Variants in XKR9 observed in about 807,000 individuals in gnomAD.
XKR9 encodes XK-related protein 9.
A neutral mutation model predicts 32.0 loss-of-function variants in XKR9; 32 were observed. That is an observed-to-expected ratio of 1.00 (90% CI 0.76 to 1.34). The LOEUF (loss-of-function observed/expected upper bound fraction) is 1.34. Ranked by LOEUF, XKR9 falls within the 40% of genes most tolerant of loss-of-function variation. XKR9 has a pLI of 0.00. For synonymous variants in XKR9, 168 were observed against 143.4 expected, an observed-to-expected ratio of 1.17 and a Z score of -1.22; for missense variants, 546 against 429.7, an observed-to-expected ratio of 1.27 and a Z score of -2.39.
chr8:70,924,590 T>G, the XKR9 span, among the ~76,000 whole-genome samples: 7 of 152,322 alleles, frequency 4.6e-5, no homozygotes, highest in East Asian at 1.2e-3. Context: ...CCTCTCTGTC[T>G]GGATTCTGCT....
At chr8:70,903,374 A>T in the XKR9 span, among the ~76,000 whole-genome samples, 31 of 152,226 alleles carry the variant, frequency 2.0e-4, 1 homozygote, top group South Asian at 5.0e-3. Context: ...GGGAGGGTGC[A>T]TGTGTCCAGG....
chr8:70,771,422 A>C (rs1807451957), intron 2 of XKR9, among the ~76,000 whole-genome samples: 2 of 152,162 alleles, frequency 1.3e-5, no homozygotes, highest in Admixed American at 1.3e-4. Flanking sequence ...TATTGACTTG[A>C]AATTTTTATT....
rs559623524 is a variant in XKR9 at position 70,701,807 on chromosome 8, C to T, written c.273-5126C>T. Among the ~76,000 whole-genome samples, 4 of 151,978 alleles carry T rather than the reference C, an allele frequency of 2.6e-5. No homozygotes were observed. The South Asian group carries it at 6.2e-4, about 24-fold the overall frequency. On this transcript the variant is annotated intron_variant, in intron 3 of 4. Coordinates refer to ENST00000408926, the MANE Select transcript of XKR9 (RefSeq NM_001011720.2). ...TGCTACTATGTATGCCATTACTGTT[C>T]AGGGGTCTGTGGAGTAGGATGTTTC...
chr8:70,828,434 T>C, the XKR9 span, among the ~76,000 whole-genome samples: 1 of 152,032 alleles, frequency 6.6e-6, no homozygotes, highest in East Asian at 1.9e-4. Flanking sequence ...CAGTGTAATG[T>C]ATAAGAAAGA....
In XKR9 at chr8:70,790,348, A is replaced by G. The variant is rs573917012; in HGVS notation, n.743A>G. ...AAAGTATTGAATATATAAAAGTATTAGAAGTTAGTTTCTTTTTCATATTTT... is the reference window on the plus strand; with the variant it reads ...AAAGTATTGAATATATAAAAGTATTGGAAGTTAGTTTCTTTTTCATATTTT... On this transcript the variant is annotated non_coding_transcript_exon_variant, in exon 4 of 4. Transcript: ENST00000520273. The G allele has an allele frequency of 1.4e-4, 21 of 152,176 alleles. No individual in the cohort carries two copies. In the East Asian group the frequency reaches 3.5e-3, roughly 25 times the overall value. The allele number at this position is 152,176 out of a possible 1,614,324, so 9.4% of individuals were successfully genotyped here.
At chr8:70,874,251 C>T in the XKR9 span, among the ~76,000 whole-genome samples, 1 of 151,894 alleles carries the variant, frequency 6.6e-6, no homozygotes, top group African/African-American at 2.4e-5. Context: ...TAAAGTATGC[C>T]TATATTTATA....
chr8:70,955,115 G>T, the XKR9 span, among the ~76,000 whole-genome samples: 1 of 152,190 alleles, frequency 6.6e-6, no homozygotes, highest in South Asian at 2.1e-4. Flanking sequence ...AACTTCACCC[G>T]TGACTTCTGT....
At chr8:70,972,634 T>G in the XKR9 span, among the ~76,000 whole-genome samples, 13 of 152,204 alleles carry the variant, frequency 8.5e-5, no homozygotes, top group Non-Finnish European at 1.8e-4. Flanking sequence ...TCAAGTTATG[T>G]CCCTTCTATG....
chr8:70,784,132 G>A (rs983080011), intron 2 of XKR9, among the ~76,000 whole-genome samples: 2 of 152,152 alleles, frequency 1.3e-5, no homozygotes, highest in Non-Finnish European at 2.9e-5. Flanking sequence ...AAGTCAGGTA[G>A]TGTGATGCCT....
At chr8:70,975,323 A>G in the XKR9 span, among the ~76,000 whole-genome samples, 1 of 152,344 alleles carries the variant, frequency 6.6e-6, no homozygotes, top group Non-Finnish European at 1.5e-5. Context: ...GCCCATGCCT[A>G]TGTCCTGAAT....
intron 2 of XKR9, among the ~76,000 whole-genome samples, chr8:70,746,275 G>A (rs1807057957): frequency 6.7e-6 from 1 of 149,000 alleles, no homozygotes; most frequent in Non-Finnish European, 1.5e-5. Context: ...GCTTCTCATA[G>A]ACTAGTGGTT....
At chr8:70,899,430 G>GTTT in the XKR9 span, among the ~76,000 whole-genome samples, 49 of 135,454 alleles carry the variant, frequency 3.6e-4, no homozygotes, top group Admixed American at 8.2e-4. Context: ...CAGGAAGACA[G>GTTT]TTTTTTTTTT....
the XKR9 span, among the ~76,000 whole-genome samples, chr8:70,921,755 G>A: frequency 2.0e-5 from 3 of 152,192 alleles, no homozygotes; most frequent in Non-Finnish European, 4.4e-5. Context: ...GATGTGCCAA[G>A]TCTCTGCTTC....
At chr8:70,990,884 C>A in the XKR9 span, among the ~76,000 whole-genome samples, 3 of 152,204 alleles carry the variant, frequency 2.0e-5, no homozygotes, top group African/African-American at 7.2e-5. Flanking sequence ...ACTCACCCCT[C>A]TTCCCTGGTG....
At chr8:70,717,502 C>G (rs1806130927) in intron 4 of XKR9, among the ~76,000 whole-genome samples, 1 of 152,218 alleles carries the variant, frequency 6.6e-6, no homozygotes, top group Admixed American at 6.5e-5. Context: ...GACTTGTACC[C>G]TCTGAAGCAA....
At chr8:70,940,747 C>A in the XKR9 span, among the ~76,000 whole-genome samples, 2 of 151,974 alleles carry the variant, frequency 1.3e-5, no homozygotes, top group African/African-American at 2.4e-5. Context: ...ATTAAATGAT[C>A]ATACACATAA....
chr8:70,990,008 T>G, the XKR9 span, among the ~76,000 whole-genome samples: 2 of 152,204 alleles, frequency 1.3e-5, no homozygotes, highest in African/African-American at 2.4e-5. Context: ...GTAGCATGTA[T>G]CAGAACTTCA....
At chr8:70,850,458 CT>C in the XKR9 span, among the ~76,000 whole-genome samples, 1 of 121,966 alleles carries the variant, frequency 8.2e-6, no homozygotes, top group East Asian at 2.7e-4. Context: ...AGCAAGACTC[CT>C]TCTCAAAAAA....
At chr8:71,038,892 C>T in the XKR9 span, among the ~76,000 whole-genome samples, 11 of 150,722 alleles carry the variant, frequency 7.3e-5, no homozygotes, top group African/African-American at 2.4e-4. Flanking sequence ...GAAACCTCCA[C>T]CTCCCGGGTT....
Sources: allele counts gnomAD v4.1 joint callset (sites outside exome capture counted in the v4.1 genomes callset), GRCh38; gene constraint gnomAD v4.1.1; transcripts MANE v1.5; gene names NCBI Gene and HGNC (gene_info 2026-07-23, HGNC 2026-07-21).